HMGCLL1: variants seen among roughly 807,000 people sequenced by gnomAD.
HMGCLL1 encodes the protein 3-hydroxy-3-methylglutaryl-CoA lyase like 1.
HMGCLL1 carries 36 observed loss-of-function variants against 39.1 expected under a neutral mutation model. The observed-to-expected ratio is 0.92, with a 90% CI of 0.71 to 1.22. The LOEUF is 1.22. Ranked by LOEUF, HMGCLL1 falls within the 50% of genes most tolerant of loss-of-function variation. HMGCLL1 has a pLI of 0.00. For missense variants in HMGCLL1, 451 were observed against 416.5 expected, an observed-to-expected ratio of 1.08 and a Z score of -0.72; for synonymous variants, 149 against 144.0, an observed-to-expected ratio of 1.03 and a Z score of -0.25.
In HMGCLL1 at chr6:55,541,748, G is replaced by A. The variant is rs1405307136; in HGVS notation, c.278C>T (p.Ser93Phe). Residue 93 changes from serine to phenylalanine, a missense_variant, in exon 3 of 9, where the codon TCT becomes TTT. Coordinates refer to ENST00000274901, the MANE Select transcript of HMGCLL1 (RefSeq NM_001042406.2). The part of the protein sequence containing the change: ...LSVIEVTSFV[S>F]SRWVPQMADH... ...ACATACCTGTGGTACCCATCTGGAA[G>A]ACACAAAGCTAGTCACTTCTATTAC... is the stretch of plus-strand genomic sequence containing the variant. The A allele has an allele frequency of 6.3e-7, 1 of 1,592,556 alleles. No individual in the cohort carries two copies. The highest frequency in any genetic ancestry group is 1.8e-5 in the Admixed American group (1 of 56,686).
intron 8 of HMGCLL1, among the ~76,000 whole-genome samples, chr6:55,436,011 C>T (rs557319992): frequency 1.3e-5 from 2 of 151,954 alleles, no homozygotes; most frequent in East Asian, 1.9e-4. Flanking sequence ...GGTAGACACA[C>T]TTGAAAAACA....
In HMGCLL1 at chr6:55,447,364, AAAT is replaced by A. The variant is rs1763900018; in HGVS notation, c.796-7808_796-7806del. On this transcript the variant is annotated intron_variant, in intron 7 of 8. Transcript: ENST00000274901. ...GGAGTATATATAAAAATTGGTAAGT[AAAT>A]AATAGGATTATATATAGATGCAAAG... is the stretch of plus-strand genomic sequence containing the variant. Among the ~76,000 whole-genome samples the A allele has an allele frequency of 2.0e-5, 3 of 152,210 alleles. No individual in the cohort carries two copies. In the South Asian group the frequency reaches 6.2e-4, roughly 32 times the overall value.
the HMGCLL1 span, among the ~76,000 whole-genome samples, chr6:55,625,720 G>A: frequency 6.6e-6 from 1 of 152,174 alleles, no homozygotes; most frequent in Non-Finnish European, 1.5e-5. Flanking sequence ...GTAAGCCAAT[G>A]GTTTGGCTGG....
At chr6:55,459,387 G>A (rs556889771) in intron 7 of HMGCLL1, among the ~76,000 whole-genome samples, 1 of 152,162 alleles carries the variant, frequency 6.6e-6, no homozygotes, top group African/African-American at 2.4e-5. Flanking sequence ...AATTGAGGCA[G>A]GTTTTATAGA....
At chr6:55,665,002 T>C in the HMGCLL1 span, among the ~76,000 whole-genome samples, 1 of 151,580 alleles carries the variant, frequency 6.6e-6, no homozygotes, top group Non-Finnish European at 1.5e-5. Flanking sequence ...AGAAGCAGTA[T>C]ACTATCACTT....
At chr6:55,623,991 G>A in the HMGCLL1 span, among the ~76,000 whole-genome samples, 1 of 152,046 alleles carries the variant, frequency 6.6e-6, no homozygotes. Context: ...TACTTTACCT[G>A]GAGGACCACA....
intron 7 of HMGCLL1, among the ~76,000 whole-genome samples, chr6:55,459,068 TCA>T (rs1764446179): frequency 6.6e-6 from 1 of 152,178 alleles, no homozygotes; most frequent in Admixed American, 6.6e-5. Context: ...AGTTCAAATT[TCA>T]CAGAGCAGCC....
At chr6:55,532,667 G>A (rs1451166595) in intron 3 of HMGCLL1, among the ~76,000 whole-genome samples, 2 of 151,840 alleles carry the variant, frequency 1.3e-5, no homozygotes, top group Non-Finnish European at 2.9e-5. Context: ...TGGGTGCGAT[G>A]GTGGGCACCT....
chr6:55,437,223 TG>T (rs1763407504), intron 8 of HMGCLL1, among the ~76,000 whole-genome samples: 1 of 151,990 alleles, frequency 6.6e-6, no homozygotes, highest in South Asian at 2.1e-4. Flanking sequence ...ATTTGTCGGG[TG>T]CTTAAATATG....
At chr6:55,471,731 C>A (rs1170918302) in intron 7 of HMGCLL1, among the ~76,000 whole-genome samples, 1 of 151,160 alleles carries the variant, frequency 6.6e-6, no homozygotes, top group African/African-American at 2.4e-5. Context: ...TAGAGAAGAG[C>A]ACAAATCATA....
chr6:55,591,497 C>T, the HMGCLL1 span, among the ~76,000 whole-genome samples: 1 of 151,770 alleles, frequency 6.6e-6, no homozygotes, highest in African/African-American at 2.4e-5. Context: ...TTTATTGCTA[C>T]ACATTTATAA....
chr6:55,651,360 C>T, the HMGCLL1 span, among the ~76,000 whole-genome samples: 1 of 152,066 alleles, frequency 6.6e-6, no homozygotes, highest in African/African-American at 2.4e-5. Flanking sequence ...TTGGCCAAGC[C>T]TGTGTCTAGA....
intron 5 of HMGCLL1, among the ~76,000 whole-genome samples, chr6:55,508,425 A>C (rs1767274240): frequency 6.6e-6 from 1 of 151,846 alleles, no homozygotes; most frequent in Non-Finnish European, 1.5e-5. Flanking sequence ...GAAAAAGTTA[A>C]ATAAGATTAG....
At chr6:55,563,865 G>C in intron 1 of HMGCLL1, 1 of 1,287,928 alleles carries the variant, frequency 7.8e-7, no homozygotes, top group Non-Finnish European at 1.0e-6. Context: ...TGGGGATCAG[G>C]GCTTCCTGAG....
intron 1 of HMGCLL1, chr6:55,563,992 G>GT (rs1771093964): frequency 1.6e-6 from 1 of 621,862 alleles, no homozygotes; most frequent in Admixed American, 2.4e-5. Flanking sequence ...AGCACGTGCA[G>GT]TTTTTTGAAA....
At chr6:55,519,511 ACTCT>A (rs758355209) in intron 3 of HMGCLL1, among the ~76,000 whole-genome samples, 1 of 152,062 alleles carries the variant, frequency 6.6e-6, no homozygotes, top group South Asian at 2.1e-4. Context: ...GAGTGTGAGT[ACTCT>A]CTGTCTCTGT....
the HMGCLL1 span, among the ~76,000 whole-genome samples, chr6:55,665,157 C>T: frequency 6.6e-6 from 1 of 151,724 alleles, no homozygotes; most frequent in Non-Finnish European, 1.5e-5. Flanking sequence ...CATATTTTTA[C>T]ATGTCTGTGT....
chr6:55,549,987 C>T (rs62407365), intron 1 of HMGCLL1, among the ~76,000 whole-genome samples: 11,330 of 151,854 alleles, frequency 0.075, 532 homozygotes, highest in East Asian at 0.19. Flanking sequence ...TGTAATGTTT[C>T]TTTTCTGATT....
intron 7 of HMGCLL1, among the ~76,000 whole-genome samples, chr6:55,463,029 CTTTTTT>C (rs34168815): frequency 1.5e-5 from 2 of 136,322 alleles, no homozygotes; most frequent in Non-Finnish European, 1.6e-5. Flanking sequence ...TTTTTTCTTT[CTTTTTT>C]TTTTTTTTTT....
Sources: gnomAD v4.1 joint callset for allele counts (sites outside exome capture counted in the v4.1 genomes callset) on GRCh38, gnomAD v4.1.1 for gene constraint, MANE v1.5 for transcripts, NCBI Gene and HGNC (gene_info 2026-07-23, HGNC 2026-07-21) for gene names.